The following CTC1 variants were observed in gnomAD, a reference collection of about 807,000 sequenced individuals.
CTC1 encodes the protein CST complex subunit CTC1.
Under a neutral mutation model 136.3 loss-of-function variants are expected in CTC1, and 91 were observed. The observed-to-expected ratio is 0.67, with a 90% confidence interval of 0.56 to 0.79. CTC1 has a LOEUF of 0.79. Among genes scored for constraint, CTC1 ranks in the 30% least tolerant of loss-of-function variants. The probability of loss-of-function intolerance (pLI) is 0.00; values close to 1 mark genes in which losing one functional copy is unlikely to be tolerated. For synonymous variants in CTC1, 606 were observed against 613.8 expected, an observed-to-expected ratio of 0.99 and a Z score of 0.19; for missense variants, 1,432 against 1,498.1, an observed-to-expected ratio of 0.96 and a Z score of 0.73.
chr17:8,231,441 G>A lies in CTC1; in HGVS notation c.2504C>T (p.Ser835Leu). 6.2e-7 allele frequency: 1 copy of A among 1,611,630 alleles called. No individual in the cohort carries two copies. The highest frequency in any genetic ancestry group is 8.5e-7 in the Non-Finnish European group (1 of 1,178,696). Residue 835 changes from serine (S) to leucine (L), a missense_variant, in exon 15 of 23, where the codon TCA (serine) becomes TTA (leucine). By Grantham distance (145) the Ser-to-Leu change is moderately radical (BLOSUM62 -2). Coordinates refer to ENST00000651323, the MANE Select transcript of CTC1 (RefSeq NM_025099.6). ...CAGAGGACGCCGAGATATGCAGGATGAACCATCCTTTTCAAACAACATTGG... is the reference window on the plus strand; with the variant it reads ...CAGAGGACGCCGAGATATGCAGGATAAACCATCCTTTTCAAACAACATTGG... ...ATPMLFEKDGSSCISRRPLEL... is the reference protein window; with the variant it reads ...ATPMLFEKDGLSCISRRPLEL...
intron 1 of CTC1, among the ~76,000 whole-genome samples, chr17:8,246,254 A>G (rs1189061799): frequency 2.0e-5 from 3 of 151,484 alleles, no homozygotes; most frequent in Non-Finnish European, 4.4e-5. Flanking sequence ...GAAGATCCAG[A>G]TTAATACAGG....
At chr17:8,231,490 G>T in intron 14 of CTC1, 21 bp from the exon 15 acceptor site, 1 of 1,578,796 alleles carries the variant, frequency 6.3e-7, no homozygotes, top group South Asian at 1.1e-5. Flanking sequence ...ATGGGAAGAC[G>T]ACTGCCTGTG....
At position 8,226,879 on chromosome 17, in the gene CTC1, G is replaced by C. The variant is rs762379967; in HGVS notation, c.*1301C>G. The C allele has an allele frequency of 1.3e-5, 2 of 152,156 alleles. No individual in the cohort carries two copies. Among genetic ancestry groups the C allele is most frequent in the African/African-American group, 4.8e-5 (2 of 41,438 alleles). The allele number at this position is 152,156 out of a possible 1,614,324, so 9.4% of individuals were successfully genotyped here. A position where few individuals can be genotyped will look rare whatever the true frequency, so the allele number is the denominator to read the frequency against. ...GCGCTAGTGATTCAGGGAATAGGAA[G>C]CAGTAGGTGCAATATAATTCTGTTA... On this transcript the variant is annotated 3_prime_UTR_variant, in exon 23 of 23. Coordinates refer to ENST00000651323, the MANE Select transcript of CTC1 (RefSeq NM_025099.6).
intron 15 of CTC1, 115 bp from the exon 16 acceptor site, chr17:8,230,766 A>T: frequency 2.3e-6 from 2 of 854,012 alleles, no homozygotes; most frequent in Non-Finnish European, 3.8e-6. Context: ...TCATATATAA[A>T]GTCCTGAAAA....
intron 10 of CTC1, 160 bp from the exon 11 acceptor site, chr17:8,233,192 T>TAA (rs1324506871): frequency 4.2e-6 from 3 of 719,830 alleles, no homozygotes; most frequent in Non-Finnish European, 6.8e-6. Flanking sequence ...AAGACAGACA[T>TAA]AAAAAAACAC....
At chr17:8,237,562 G>A in intron 4 of CTC1, 43 bp from the exon 5 acceptor site, 3 of 1,578,394 alleles carry the variant, frequency 1.9e-6, no homozygotes, top group Non-Finnish European at 2.6e-6. Context: ...CTACTCAGGA[G>A]GCTGAGGGAG....
Position 8,235,190 on chromosome 17 carries a change from GA to G in CTC1, c.1301del (p.Phe434SerfsTer29). On this transcript the variant is annotated frameshift_variant, in exon 8 of 23. Transcript: ENST00000651323. LOFTEE classifies it high-confidence loss of function. ...AGTGAGCCCCAGGCTTCTGACGAGA[GA>G]AGCTTTGAAGCAGAACGGCGCCACG... Reference protein sequence around the residue: ...CLRGAVLLQSFSRQKPGAHSS... With the variant: ...CLRGAVLLQSXSRQKPGAHSS... 6.2e-7 allele frequency: 1 copy of G among 1,614,142 alleles called. No homozygotes were observed. Among genetic ancestry groups the G allele is most frequent in the Non-Finnish European group, 8.5e-7 (1 of 1,180,020 alleles).
chr17:8,231,733 C>T lies in CTC1; in HGVS notation c.2468G>A (p.Gly823Asp). The T allele has an allele frequency of 1.2e-6, 2 of 1,613,788 alleles. No individual in the cohort carries two copies. Among genetic ancestry groups the T allele is most frequent in the Middle Eastern group, 1.7e-4 (1 of 6,060 alleles). The change falls in exon 14 of 23, where the codon GGC (glycine) becomes GAC (aspartate). Residue 823 changes from glycine to aspartate, a missense_variant. Transcript: ENST00000651323. ...ATGAAGTAGGACACTCACAGCGGGGCCAGGAGCTATGAGTCGGTACACCTG... is the reference window on the plus strand; with the variant it reads ...ATGAAGTAGGACACTCACAGCGGGGTCAGGAGCTATGAGTCGGTACACCTG... The part of the protein sequence containing the change: ...PGQVYRLIAP[G>D]PATPMLFEKD...
chr17:8,246,907 AACACACACAC>A (rs145222612), intron 1 of CTC1, among the ~76,000 whole-genome samples: 1 of 149,910 alleles, frequency 6.7e-6, no homozygotes, highest in Non-Finnish European at 1.5e-5. Flanking sequence ...TCCGTCTCAA[AACACACACAC>A]ACACACACGC....
rs1469406841 is a variant in CTC1 at position 8,238,521 on chromosome 17, A to G, written c.306T>C (p.Asn102=). 3.7e-6 allele frequency: 6 copies of G among 1,613,990 alleles called. No homozygotes were observed. The African/African-American group carries it at 6.7e-5, about 18-fold the overall frequency. ...GCTGCTCTCGGGGCAGGGGGTTCCC[A>G]TTTGGTCCAGCCTCTTGGGCCCAGG... ...YQAWAQEAGP[N]GNPLPREQLL... Residue 102 remains asparagine, a synonymous_variant, in exon 3 of 23, where the codon AAT becomes AAC. Coordinates refer to ENST00000651323, the MANE Select transcript of CTC1 (RefSeq NM_025099.6).
chr17:8,236,331 C>G lies in CTC1; in HGVS notation c.804G>C (p.Gln268His). The change falls in exon 6 of 23, where the codon CAG becomes CAC. Residue 268 changes from glutamine (Q) to histidine (H), a missense_variant. Transcript: ENST00000651323. ...HVSIIVQVPA[Q>H]LVWHRALRPG... ...GCCGAAGGGCTCTGTGCCACACCAGCTGGGCAGGGACCTGGCTTGTGCAGA... is the reference window on the plus strand; with the variant it reads ...GCCGAAGGGCTCTGTGCCACACCAGGTGGGCAGGGACCTGGCTTGTGCAGA... 1 of 1,606,868 alleles carries G rather than the reference C, an allele frequency of 6.2e-7. No homozygotes were observed. The highest frequency in any genetic ancestry group is 8.5e-7 in the Non-Finnish European group (1 of 1,179,638).
chr17:8,230,953 A>C, intron 15 of CTC1: 1 of 482,068 alleles, frequency 2.1e-6, no homozygotes, highest in Non-Finnish European at 3.7e-6. Flanking sequence ...CCTGGCCAAC[A>C]TGACGAAACC....
At chr17:8,231,494 G>A (rs771279364) in intron 14 of CTC1, 25 bp from the exon 15 acceptor site, 11 of 1,574,260 alleles carry the variant, frequency 7.0e-6, no homozygotes, top group Middle Eastern at 4.4e-4. Flanking sequence ...GAAGACGACT[G>A]CCTGTGAGTG....
intron 18 of CTC1, among the ~76,000 whole-genome samples, 197 bp downstream of exon 18, chr17:8,229,694 C>T (rs1276038888): frequency 6.6e-6 from 1 of 152,140 alleles, no homozygotes; most frequent in African/African-American, 2.4e-5. Flanking sequence ...CTTCAAAAGC[C>T]TAGAACACTA....
In CTC1 at chr17:8,230,654, G is replaced by C. The variant is rs765650487; in HGVS notation, c.2670-3C>G. Reference sequence around the variant, plus strand: ...AAGACACCAAGGAATCTGTGAAACTGGAAGGTCAGGGAAATACACTGAGAA... The same window carrying C: ...AAGACACCAAGGAATCTGTGAAACTCGAAGGTCAGGGAAATACACTGAGAA... On this transcript the variant is annotated splice_polypyrimidine_tract_variant and splice_region_variant and intron_variant, in intron 15 of 22. Transcript: ENST00000651323. 5.0e-6 allele frequency: 8 copies of C among 1,613,288 alleles called. No individual in the cohort carries two copies. The East Asian group carries it at 1.6e-4, about 31-fold the overall frequency.
In CTC1 at chr17:8,232,453, CCT is replaced by C; in HGVS notation, c.1966_1967del (p.Arg656ValfsTer40). 2.5e-6 allele frequency: 4 copies of C among 1,614,116 alleles called. No homozygotes were observed. In the South Asian group the frequency reaches 3.3e-5, roughly 13 times the overall value. On this transcript the variant is annotated frameshift_variant, in exon 12 of 23. Transcript: ENST00000651323. LOFTEE classifies it high-confidence loss of function. ...RLIGCLVRAE[R>X]FQLIVERDVR... ...CGTCCCTCTCTACGATCAACTGAAACCTCTCTGCCCGCACCAGGCAGCCTAGA... is the reference window on the plus strand; with the variant it reads ...CGTCCCTCTCTACGATCAACTGAAACCTCTGCCCGCACCAGGCAGCCTAGA...
rs1200884099 is a variant in CTC1, at chr17:8,235,920, A to G, written c.1117T>C (p.Tyr373His). The G allele has an allele frequency of 8.1e-6, 13 of 1,613,414 alleles. No homozygotes were observed. Among genetic ancestry groups the G allele is most frequent in the Non-Finnish European group, 1.0e-5 (12 of 1,179,554 alleles). ...AGCCCCAGCTGCCCATCCAGCTCAT[A>G]GAGGCCAGCGGGCTCATTCAACACG... ...TGVLNEPAGL[Y>H]ELDGQLGLCL... The change falls in exon 7 of 23, where the codon TAT (tyrosine) becomes CAT (histidine). Residue 373 changes from tyrosine to histidine, a missense_variant. Physicochemically the swap from Tyr to His is moderately conservative, Grantham distance 83 (BLOSUM62 2). Transcript: ENST00000651323.
chr17:8,234,351 A>C, intron 10 of CTC1, 104 bp downstream of exon 10: 1 of 1,086,220 alleles, frequency 9.2e-7, no homozygotes, highest in African/African-American at 1.6e-5. Flanking sequence ...TTAGAAGGCT[A>C]GTGTAGTCAA....
In CTC1 at chr17:8,226,540, T is replaced by C. The variant is rs1415341886; in HGVS notation, c.*1640A>G. 6.6e-6 allele frequency: 1 copy of C among 152,202 alleles called. No individual in the cohort carries two copies. The highest frequency in any genetic ancestry group is 1.5e-5 in the Non-Finnish European group (1 of 68,038). The allele number at this position is 152,202 out of a possible 1,614,324, so 9.4% of individuals were successfully genotyped here. On this transcript the variant is annotated 3_prime_UTR_variant, in exon 23 of 23. Coordinates refer to ENST00000651323, the MANE Select transcript of CTC1 (RefSeq NM_025099.6). The stretch of plus-strand genomic sequence containing the variant: ...TTCTAGAGTTCCTAGATGAGAGGTT[T>C]GGAGGGTGCCGACTGGATCATCCCA...
Sources: gnomAD v4.1 joint callset for allele counts (sites outside exome capture counted in the v4.1 genomes callset) on GRCh38, gnomAD v4.1.1 for gene constraint, MANE v1.5 for transcripts, NCBI Gene and HGNC (gene_info 2026-07-23, HGNC 2026-07-21) for gene names.